Variants in AGAP6 observed in about 807,000 individuals in gnomAD.
AGAP6 encodes arf-GAP with GTPase, ANK repeat and PH domain-containing protein 6.
In AGAP6, 29 loss-of-function variants were observed where a neutral mutation model predicts 63.9. That is an observed-to-expected ratio of 0.45 (90% CI 0.34 to 0.62). The LOEUF is 0.62. Ranked by LOEUF, AGAP6 falls within the 20% of genes least tolerant of loss-of-function variation. AGAP6 has a pLI of 0.01. For missense variants in AGAP6, 493 were observed against 884.9 expected, an observed-to-expected ratio of 0.56 and a Z score of 5.62; for synonymous variants, 199 against 332.9, an observed-to-expected ratio of 0.60 and a Z score of 4.38.
chr10:50,007,437 A>G (rs1287515430), intron 6 of AGAP6, among the ~76,000 whole-genome samples: 5 of 101,914 alleles, frequency 4.9e-5, no homozygotes, highest in Non-Finnish European at 1.0e-4. Context: ...ATGACCTCTT[A>G]GGCCTTCTGG....
chr10:50,005,131 A>T (rs1841866380), intron 6 of AGAP6, among the ~76,000 whole-genome samples: 2 of 152,250 alleles, frequency 1.3e-5, no homozygotes, highest in South Asian at 4.1e-4. Context: ...GACCCAGGTT[A>T]TAACAACAGA....
At chr10:49,997,033 A>G (rs1841517392) in intron 4 of AGAP6, among the ~76,000 whole-genome samples, 1 of 147,088 alleles carries the variant, frequency 6.8e-6, no homozygotes, top group Non-Finnish European at 1.5e-5. Context: ...TGGTCAATCT[A>G]TTATATTTAA....
chr10:49,993,483 G>A (rs1389878757), intron 3 of AGAP6, among the ~76,000 whole-genome samples: 1 of 151,954 alleles, frequency 6.6e-6, no homozygotes, highest in Non-Finnish European at 1.5e-5. Context: ...TTTTTGTGCT[G>A]CAGACACCAT....
intron 1 of AGAP6, 27 bp downstream of exon 1, chr10:49,988,965 C>G: frequency 6.2e-7 from 1 of 1,600,676 alleles, no homozygotes; most frequent in South Asian, 1.1e-5. Context: ...TGCCATCTAC[C>G]CTCGGTTTGC....
rs574899831 is a variant in AGAP6 at position 50,007,970 on chromosome 10, A to G, written c.534-55A>G. 5.6e-6 allele frequency: 9 copies of G among 1,611,118 alleles called. No homozygotes were observed. In the East Asian group the frequency reaches 8.9e-5, roughly 16 times the overall value. On this transcript the variant is annotated intron_variant, in intron 6 of 7. Coordinates refer to ENST00000412531, the MANE Select transcript of AGAP6 (RefSeq NM_001077665.3). The stretch of plus-strand genomic sequence containing the variant: ...CAGGAGGCAGTATTTTACTAAACAA[A>G]TATTATACTAAGATATTAACAGTTT...
Position 50,005,868 on chromosome 10 carries a change from C to T in AGAP6, c.533+1148C>T, listed in dbSNP as rs375647356. ...CTGGGAGGTGGAGGTTGCAGTGAGC[C>T]GAGATCTCGCCATTGCACCCCAGCC... On this transcript the variant is annotated intron_variant, in intron 6 of 7. Coordinates refer to ENST00000412531, the MANE Select transcript of AGAP6 (RefSeq NM_001077665.3). 4.1e-4 allele frequency among the ~76,000 whole-genome samples: 60 copies of T among 145,350 alleles called. No individual in the cohort carries two copies. The East Asian group carries it at 5.8e-3, about 14-fold the overall frequency.
In AGAP6 at chr10:50,009,628, A is replaced by G. The variant is rs782547018; in HGVS notation, c.1503A>G (p.Glu501=). The G allele has an allele frequency of 3.7e-6, 6 of 1,613,402 alleles. No homozygotes were observed. In the East Asian group the frequency reaches 8.9e-5, roughly 24 times the overall value. The part of the protein sequence containing the change: ...SLNLGVLMCI[E]CSGIHRSLGP... ...ACTTGGGAGTCCTCATGTGTATTGAATGCTCAGGTATCCACCGCAGTCTTG... is the reference window on the plus strand; with the variant it reads ...ACTTGGGAGTCCTCATGTGTATTGAGTGCTCAGGTATCCACCGCAGTCTTG... The change falls in exon 8 of 8, where the codon GAA becomes GAG. Residue 501 remains glutamate, a synonymous_variant. Transcript: ENST00000412531.
chr10:49,998,029 G>A (rs193230193), intron 4 of AGAP6, among the ~76,000 whole-genome samples: 1,395 of 131,016 alleles, frequency 0.011, 212 homozygotes, highest in African/African-American at 0.04. Flanking sequence ...TGTATATCAC[G>A]GTTTCTTTAT....
intron 2 of AGAP6, 59 bp from the exon 3 acceptor site, chr10:49,991,617 G>C: frequency 6.3e-7 from 1 of 1,591,108 alleles, no homozygotes; most frequent in Non-Finnish European, 8.5e-7. Context: ...GAATAAACGA[G>C]TTGATAAATT....
At chr10:49,992,401 C>T (rs1554861228) in intron 3 of AGAP6, among the ~76,000 whole-genome samples, 1 of 152,154 alleles carries the variant, frequency 6.6e-6, no homozygotes, top group Non-Finnish European at 1.5e-5. Flanking sequence ...ACTTAAACAG[C>T]AAGAATACAA....
chr10:50,007,729 G>A (rs1411183684), intron 6 of AGAP6, among the ~76,000 whole-genome samples: 3 of 151,470 alleles, frequency 2.0e-5, no homozygotes, highest in African/African-American at 7.3e-5. Flanking sequence ...GTGTTTCAAT[G>A]TGTGGTTAGA....
intron 4 of AGAP6, among the ~76,000 whole-genome samples, chr10:49,997,999 T>C (rs1841560467): frequency 7.3e-6 from 1 of 137,326 alleles, no homozygotes; most frequent in Non-Finnish European, 1.5e-5. Context: ...CTCATATATA[T>C]ATATATATAT....
At position 50,009,726 on chromosome 10, in the gene AGAP6, C is replaced by G. The variant is rs782180358; in HGVS notation, c.1601C>G (p.Ser534Cys). The G allele has an allele frequency of 5.6e-6, 9 of 1,614,090 alleles. No individual in the cohort carries two copies. Among genetic ancestry groups the G allele is most frequent in the East Asian group, 2.2e-5 (1 of 44,908 alleles). Residue 534 changes from serine (S) to cysteine (C), a missense_variant, in exon 8 of 8, where the codon TCT becomes TGT. Around this residue, in one of 7 missense-constraint regions of AGAP6, gnomAD observed 87 missense variants for 92.9 expected, o/e 0.94. Coordinates refer to ENST00000412531, the MANE Select transcript of AGAP6 (RefSeq NM_001077665.3). ...WPVELRKVMS[S>C]IVNDLANSIW... is the part of the protein sequence containing the mutation. Reference sequence around the variant, plus strand: ...GTTGAGCTCAGGAAGGTTATGTCATCTATTGTCAATGACCTAGCCAACAGC... The same window carrying G: ...GTTGAGCTCAGGAAGGTTATGTCATGTATTGTCAATGACCTAGCCAACAGC...
In AGAP6 at chr10:50,009,791, G is replaced by A. The variant is rs1418661628; in HGVS notation, c.1666G>A (p.Glu556Lys). Residue 556 changes from glutamate to lysine, a missense_variant, in exon 8 of 8, where the codon GAA becomes AAA. Coordinates refer to ENST00000412531, the MANE Select transcript of AGAP6 (RefSeq NM_001077665.3). ...GSSQGQTKPS[E>K]KSTREEKERW... The stretch of plus-strand genomic sequence containing the variant: ...CAGCCAGGGGCAGACAAAACCCTCA[G>A]AAAAGTCCACGAGGGAAGAGAAGGA... 1.2e-6 allele frequency: 2 copies of A among 1,613,750 alleles called. No homozygotes were observed. Among genetic ancestry groups the A allele is most frequent in the Non-Finnish European group, 1.7e-6 (2 of 1,179,970 alleles).
chr10:49,991,287 C>T (rs572493869), intron 2 of AGAP6, among the ~76,000 whole-genome samples: 3 of 151,846 alleles, frequency 2.0e-5, no homozygotes, highest in East Asian at 3.9e-4. Flanking sequence ...TATATTTTGC[C>T]TATAAAATAG....
chr10:50,005,693 G>A (rs1185184993), intron 6 of AGAP6, among the ~76,000 whole-genome samples: 1 of 151,618 alleles, frequency 6.6e-6, no homozygotes, highest in African/African-American at 2.4e-5. Flanking sequence ...GGCCGAGGTG[G>A]GTGGATCACT....
At position 50,008,047 on chromosome 10, in the gene AGAP6, A is replaced by G. The variant is rs781854719; in HGVS notation, c.556A>G (p.Ile186Val). The stretch of plus-strand genomic sequence containing the variant: ...TAGAGATGCAGATAGAACTTTGAGC[A>G]TACCTGATGAACAGTTACACTCATT... ...TQRDADRTLS[I>V]PDEQLHSFAV... Residue 186 changes from isoleucine to valine, a missense_variant, in exon 7 of 8, where the codon ATA becomes GTA. Coordinates refer to ENST00000412531, the MANE Select transcript of AGAP6 (RefSeq NM_001077665.3). 3.1e-6 allele frequency: 5 copies of G among 1,611,956 alleles called. No individual in the cohort carries two copies. Among genetic ancestry groups the G allele is most frequent in the Non-Finnish European group, 4.2e-6 (5 of 1,179,838 alleles).
chr10:50,003,413 T>C (rs1471076561), intron 5 of AGAP6, among the ~76,000 whole-genome samples: 16 of 152,114 alleles, frequency 1.1e-4, no homozygotes, highest in African/African-American at 3.6e-4. Flanking sequence ...TGCAAACACA[T>C]GTATCTTCCC....
chr10:49,990,082 T>C (rs1841209131), intron 2 of AGAP6, among the ~76,000 whole-genome samples: 1 of 152,216 alleles, frequency 6.6e-6, no homozygotes, highest in South Asian at 2.1e-4. Context: ...AGAGTGTTTG[T>C]TGCCGTGGCT....
Sources: gnomAD v4.1 joint callset for allele counts (sites outside exome capture counted in the v4.1 genomes callset) on GRCh38, gnomAD v4.1.1 for gene constraint, gnomAD v4.1.1 regional missense constraint, MANE v1.5 for transcripts, NCBI Gene and HGNC (gene_info 2026-07-23, HGNC 2026-07-21) for gene names.